Variants in RPS6KA1 observed in about 807,000 individuals in gnomAD.
RPS6KA1 encodes ribosomal protein S6 kinase alpha-1.
A neutral mutation model predicts 91.3 loss-of-function variants in RPS6KA1; 48 were observed. The observed-to-expected ratio is 0.53, with a 90% CI of 0.42 to 0.67. The LOEUF (loss-of-function observed/expected upper bound fraction) is 0.67. Among genes scored for constraint, RPS6KA1 ranks in the 30% least tolerant of loss-of-function variants. The pLI, the probability that RPS6KA1 is intolerant of heterozygous loss-of-function variation, is 0.00. For missense variants in RPS6KA1, 719 were observed against 960.5 expected (o/e 0.75, Z 3.32); for synonymous variants, 359 against 384.7 (o/e 0.93, Z 0.78).
chr1:26,541,330 A>G (rs2075945625), intron 2 of RPS6KA1, among the ~76,000 whole-genome samples: 1 of 150,920 alleles, frequency 6.6e-6, no homozygotes, highest in African/African-American at 2.4e-5. Context: ...CGAGGCGGGC[A>G]GATCGCCTGA....
At chr1:26,567,677 C>T (rs543119531) in intron 17 of RPS6KA1, among the ~76,000 whole-genome samples, 1 of 152,270 alleles carries the variant, frequency 6.6e-6, no homozygotes, top group African/African-American at 2.4e-5. Flanking sequence ...CCATGCCTGG[C>T]CTGGTCTCTA....
At chr1:26,556,811 GC>G in intron 12 of RPS6KA1, 93 bp downstream of exon 12, 2 of 1,465,250 alleles carry the variant, frequency 1.4e-6, no homozygotes, top group Non-Finnish European at 1.9e-6. Context: ...GCCAGCGAGG[GC>G]CCCAGACGCA....
intron 2 of RPS6KA1, among the ~76,000 whole-genome samples, chr1:26,545,288 G>A (rs2075983328): frequency 1.3e-5 from 2 of 150,578 alleles, no homozygotes; most frequent in South Asian, 4.2e-4. Flanking sequence ...TCCTGCCTCA[G>A]CTCCCGAATA....
At position 26,571,297 on chromosome 1, in the gene RPS6KA1, A is replaced by G; in HGVS notation, c.1591-152A>G. 1.5e-6 allele frequency: 1 copy of G among 678,832 alleles called. No homozygotes were observed. The highest frequency in any genetic ancestry group is 2.5e-6 in the Non-Finnish European group (1 of 394,090). 42.1% of individuals were successfully genotyped at this position (678,832 alleles called of 1,614,324 possible). On this transcript the variant is annotated intron_variant, in intron 17 of 21. Coordinates refer to ENST00000374168, the MANE Select transcript of RPS6KA1 (RefSeq NM_002953.4). This position sits in a 1 kb window ranked among gnomAD's most constrained non-coding sequence, Gnocchi z 5.1. The stretch of plus-strand genomic sequence containing the variant: ...AGTCAGTAGCAGCAGCAATAAGACC[A>G]TCATTTCAGCCCCTTCCCCTTCTCT...
intron 2 of RPS6KA1, among the ~76,000 whole-genome samples, chr1:26,538,085 G>A (rs2075919727): frequency 6.6e-6 from 1 of 152,150 alleles, no homozygotes; most frequent in Non-Finnish European, 1.5e-5. Flanking sequence ...CTAAGATGAG[G>A]TGACTGAGCT....
intron 12 of RPS6KA1, 38 bp downstream of exon 12, chr1:26,556,756 C>A (rs1420491945): frequency 1.9e-6 from 3 of 1,608,876 alleles, no homozygotes; most frequent in Non-Finnish European, 2.6e-6. Context: ...CTGGCCAGGG[C>A]TCAGCCATCT....
At chr1:26,564,059 G>C (rs2076177324) in intron 17 of RPS6KA1, among the ~76,000 whole-genome samples, 1 of 152,028 alleles carries the variant, frequency 6.6e-6, no homozygotes, top group Non-Finnish European at 1.5e-5. Flanking sequence ...GGAGGCAGAG[G>C]TTGCAATGAG....
rs1405087753 is a variant in RPS6KA1 at position 26,561,040 on chromosome 1, T to C, written c.1342-5T>C. 6.2e-7 allele frequency: 1 copy of C among 1,613,502 alleles called. No homozygotes were observed. Among genetic ancestry groups the C allele is most frequent in the Non-Finnish European group, 8.5e-7 (1 of 1,179,898 alleles). On this transcript the variant is annotated splice_region_variant and splice_polypyrimidine_tract_variant and intron_variant, in intron 15 of 21. Coordinates refer to ENST00000374168, the MANE Select transcript of RPS6KA1 (RefSeq NM_002953.4). This position sits in a 1 kb window ranked among gnomAD's most constrained non-coding sequence, Gnocchi z 5.7. ...GACACTGCCACATGCACCCCCTTTCTTCAGGTCATTGATAAGAGCAAGCGG... is the reference window on the plus strand; with the variant it reads ...GACACTGCCACATGCACCCCCTTTCCTCAGGTCATTGATAAGAGCAAGCGG...
chr1:26,574,161 C>T lies in RPS6KA1; in HGVS notation c.2168C>T (p.Ala723Val). 1.2e-6 allele frequency: 2 copies of T among 1,614,144 alleles called. No individual in the cohort carries two copies. The highest frequency in any genetic ancestry group is 1.7e-6 in the Non-Finnish European group (2 of 1,180,032). ...QLKPIESSIL[A>V]QRRVRKLPST... ...AAGCCCATCGAGTCATCCATCCTGG[C>T]CCAGCGGCGAGTGAGGAAGTTGCCA... is the stretch of plus-strand genomic sequence containing the variant. The change falls in exon 22 of 22, where the codon GCC becomes GTC. Residue 723 changes from alanine to valine, a missense_variant. Physicochemically the swap from Ala to Val is moderately conservative, Grantham distance 64 (BLOSUM62 0). Around this residue, in one of 5 missense-constraint regions of RPS6KA1, gnomAD observed 249 missense variants for 323.1 expected, o/e 0.77. Transcript: ENST00000374168. The surrounding 1 kb of genome is among the most constrained non-coding windows in gnomAD (Gnocchi z 4.3).
chr1:26,546,001 T>G (rs745847568), intron 2 of RPS6KA1: 56 of 1,611,638 alleles, frequency 3.5e-5, no homozygotes, highest in Admixed American at 8.4e-5. Flanking sequence ...TCTCTGCCTG[T>G]CCCTGGCCCT....
chr1:26,548,388 T>A (rs2076016198), intron 4 of RPS6KA1, among the ~76,000 whole-genome samples: 1 of 152,084 alleles, frequency 6.6e-6, no homozygotes, highest in African/African-American at 2.4e-5. Context: ...AGGGGACACC[T>A]AAGGAGCGGG....
At chr1:26,538,527 G>A (rs988315274) in intron 2 of RPS6KA1, among the ~76,000 whole-genome samples, 3 of 152,182 alleles carry the variant, frequency 2.0e-5, no homozygotes, top group Non-Finnish European at 4.4e-5. Context: ...GGAGATGGAT[G>A]GGACATGGAG....
intron 14 of RPS6KA1, 28 bp from the exon 15 acceptor site, chr1:26,560,698 G>T: frequency 6.2e-7 from 1 of 1,614,034 alleles, no homozygotes; most frequent in Non-Finnish European, 8.5e-7. Flanking sequence ...AGAGCCAGGG[G>T]TCAGCCACAA....
At chr1:26,568,051 C>A (rs531041998) in intron 17 of RPS6KA1, among the ~76,000 whole-genome samples, 1 of 152,262 alleles carries the variant, frequency 6.6e-6, no homozygotes, top group East Asian at 1.9e-4. Flanking sequence ...TTTGTTTGGC[C>A]TGCAAGATAA....
chr1:26,560,911 G>A, intron 15 of RPS6KA1, 60 bp downstream of exon 15: 2 of 1,611,864 alleles, frequency 1.2e-6, no homozygotes, highest in Non-Finnish European at 1.7e-6. Flanking sequence ...TCCCCGTCTG[G>A]TGGGGAGGGA....
At chr1:26,533,944 C>G (rs2075887628) in intron 1 of RPS6KA1, among the ~76,000 whole-genome samples, 1 of 152,154 alleles carries the variant, frequency 6.6e-6, no homozygotes, top group African/African-American at 2.4e-5. Flanking sequence ...TTCTCCAGGG[C>G]TGCCTGTTCC....
intron 2 of RPS6KA1, among the ~76,000 whole-genome samples, chr1:26,538,826 C>T (rs968274359): frequency 6.6e-6 from 1 of 152,186 alleles, no homozygotes; most frequent in Non-Finnish European, 1.5e-5. Context: ...GCTCATCCAT[C>T]TGTTGTCCCA....
At chr1:26,567,150 C>G (rs1255720068) in intron 17 of RPS6KA1, among the ~76,000 whole-genome samples, 1 of 151,948 alleles carries the variant, frequency 6.6e-6, no homozygotes, top group Non-Finnish European at 1.5e-5. Context: ...CTGCACCCCA[C>G]ACAGCTAGGA....
In RPS6KA1 at chr1:26,574,856, G is replaced by T; in HGVS notation, c.*655G>T. ...GTCAGGCTGGGCAGCCCCAGAGAGA[G>T]GATGTGGAAAGCACTTTTTGGCTGA... On this transcript the variant is annotated 3_prime_UTR_variant, in exon 22 of 22. Coordinates refer to ENST00000374168, the MANE Select transcript of RPS6KA1 (RefSeq NM_002953.4). This position sits in a 1 kb window ranked among gnomAD's most constrained non-coding sequence, Gnocchi z 4.3. 4.9e-6 allele frequency: 1 copy of T among 203,278 alleles called. No individual in the cohort carries two copies. The highest frequency in any genetic ancestry group is 7.1e-5 in the South Asian group (1 of 14,062). 12.6% of individuals were successfully genotyped at this position (203,278 alleles called of 1,614,324 possible). A position where few individuals can be genotyped will look rare whatever the true frequency, so the allele number is the denominator to read the frequency against.
Sources: allele counts gnomAD v4.1 joint callset (sites outside exome capture counted in the v4.1 genomes callset), GRCh38; gene constraint gnomAD v4.1.1; regional missense constraint gnomAD v4.1.1; non-coding constraint Gnocchi (gnomAD v3.1); transcripts MANE v1.5; gene names NCBI Gene and HGNC (gene_info 2026-07-23, HGNC 2026-07-21).